The following FAM83B variants were observed in gnomAD, a reference collection of about 807,000 sequenced individuals.
FAM83B encodes the protein scaffolding CK1 anchoring protein B, also known as protein FAM83B.
A neutral mutation model predicts 38.8 loss-of-function variants in FAM83B; 26 were observed. That is an observed-to-expected ratio of 0.67 (90% confidence interval 0.49 to 0.93). The LOEUF (loss-of-function observed/expected upper bound fraction) is 0.93. Ranked by LOEUF, FAM83B falls within the 40% of genes least tolerant of loss-of-function variation. The pLI, the probability that FAM83B is intolerant of heterozygous loss-of-function variation, is 0.00. For missense variants in FAM83B, 1,237 were observed against 1,197.3 expected (o/e 1.03, Z -0.49); for synonymous variants, 419 against 423.1 (o/e 0.99, Z 0.12).
intron 4 of FAM83B, 95 bp downstream of exon 4, chr6:54,927,727 G>GAAA (rs1773331803): frequency 3.0e-5 from 1 of 33,706 alleles, no homozygotes; most frequent in African/African-American, 2.3e-4. Context: ...TTTCTTAAAA[G>GAAA]TAAAAAAAAA....
At chr6:54,933,326 T>C (rs1773462959) in intron 4 of FAM83B, among the ~76,000 whole-genome samples, 1 of 152,130 alleles carries the variant, frequency 6.6e-6, no homozygotes, top group Admixed American at 6.6e-5. Flanking sequence ...TTTGTTGATA[T>C]TCTCATTCCA....
intron 2 of FAM83B, among the ~76,000 whole-genome samples, chr6:54,905,573 C>G (rs1772759420): frequency 6.6e-6 from 1 of 152,120 alleles, no homozygotes; most frequent in South Asian, 2.1e-4. Flanking sequence ...CGTCAACATG[C>G]TGCGCAGTAG....
At chr6:54,939,684 A>G (rs201889250) in intron 4 of FAM83B, 22 bp from the exon 5 acceptor site, 1 of 1,539,230 alleles carries the variant, frequency 6.5e-7, no homozygotes, top group African/African-American at 1.4e-5. Context: ...AATGATTAAA[A>G]TTTTTCCATT....
rs1773749819 is a variant in FAM83B, at chr6:54,943,617, A to G, written c.*1610A>G. The G allele has an allele frequency of 6.6e-6, 1 of 152,200 alleles. No individual in the cohort carries two copies. Among genetic ancestry groups the G allele is most frequent in the Non-Finnish European group, 1.5e-5 (1 of 68,040 alleles). The allele number at this position is 152,200 out of a possible 1,614,324, so 9.4% of individuals were successfully genotyped here. A position where few individuals can be genotyped will look rare whatever the true frequency, so the allele number is the denominator to read the frequency against. On this transcript the variant is annotated 3_prime_UTR_variant, in exon 5 of 5. Transcript: ENST00000306858. The stretch of plus-strand genomic sequence containing the variant: ...AAATAATTTTCCATAGTGTTTAGAA[A>G]CCATGAAAAAGAAAACATAGCAGGA...
intron 4 of FAM83B, among the ~76,000 whole-genome samples, chr6:54,931,200 G>A (rs932050910): frequency 2.6e-5 from 4 of 152,114 alleles, no homozygotes; most frequent in Non-Finnish European, 2.9e-5. Context: ...GTTGAGGTTT[G>A]TTTTGCCTAA....
chr6:54,892,540 G>A (rs894926317), intron 2 of FAM83B, among the ~76,000 whole-genome samples: 3 of 151,502 alleles, frequency 2.0e-5, no homozygotes, highest in Non-Finnish European at 2.9e-5. Context: ...TTCTGTTTCT[G>A]TGTTAGTTTG....
At chr6:54,854,405 G>A (rs1455931837) in intron 1 of FAM83B, among the ~76,000 whole-genome samples, 3 of 152,052 alleles carry the variant, frequency 2.0e-5, no homozygotes, top group Non-Finnish European at 2.9e-5. Flanking sequence ...GGCAAAATTC[G>A]TTATTGTCTT....
chr6:54,897,079 C>T (rs553883914), intron 2 of FAM83B, among the ~76,000 whole-genome samples: 47 of 152,128 alleles, frequency 3.1e-4, no homozygotes, highest in Non-Finnish European at 2.9e-5. Flanking sequence ...TCCTTTTTAT[C>T]ATTACTGTTA....
chr6:54,926,424 C>CCAA lies in FAM83B; in HGVS notation c.498_499insCAA (p.Ile166_Val167insGln). On this transcript the variant is annotated inframe_insertion, in exon 3 of 5. Coordinates refer to ENST00000306858, the MANE Select transcript of FAM83B (RefSeq NM_001010872.3). ...CAGATGTGGACATTTTCAAAGAAAT[C>CCAA]GTTGAGGCATCAACTCGAGGAGTAT... 1 of 1,608,154 alleles carries CCAA rather than the reference C, an allele frequency of 6.2e-7. No homozygotes were observed. Among genetic ancestry groups the CCAA allele is most frequent in the Non-Finnish European group, 8.5e-7 (1 of 1,176,062 alleles).
intron 1 of FAM83B, among the ~76,000 whole-genome samples, chr6:54,859,234 G>A (rs991233623): frequency 1.3e-5 from 2 of 152,024 alleles, no homozygotes; most frequent in Non-Finnish European, 2.9e-5. Context: ...GCTAACTTTT[G>A]TATTTTTAGT....
At chr6:54,856,190 TA>T (rs1293932449) in intron 1 of FAM83B, among the ~76,000 whole-genome samples, 1 of 152,166 alleles carries the variant, frequency 6.6e-6, no homozygotes, top group East Asian at 1.9e-4. Flanking sequence ...AAGCAAGATT[TA>T]CTCATGGACT....
intron 2 of FAM83B, among the ~76,000 whole-genome samples, chr6:54,916,065 C>T (rs1773030903): frequency 6.6e-6 from 1 of 152,100 alleles, no homozygotes; most frequent in African/African-American, 2.4e-5. Context: ...AATTCCATTT[C>T]CCAACAAAAC....
At position 54,940,775 on chromosome 6, in the gene FAM83B, C is replaced by T. The variant is rs1406569086; in HGVS notation, c.1804C>T (p.Leu602Phe). 2 of 1,614,018 alleles carry T rather than the reference C, an allele frequency of 1.2e-6. No homozygotes were observed. The highest frequency in any genetic ancestry group is 1.3e-5 in the African/African-American group (1 of 75,008). ...DKPLPESIPK[L>F]PLQSEAPKMH... The stretch of plus-strand genomic sequence containing the variant: ...ACCCTTGCCAGAATCAATCCCCAAG[C>T]TCCCATTGCAGTCAGAGGCACCAAA... Residue 602 changes from leucine to phenylalanine, a missense_variant, in exon 5 of 5, where the codon CTC (leucine) becomes TTC (phenylalanine). Coordinates refer to ENST00000306858, the MANE Select transcript of FAM83B (RefSeq NM_001010872.3).
At chr6:54,911,226 G>A (rs568158465) in intron 2 of FAM83B, among the ~76,000 whole-genome samples, 1 of 150,214 alleles carries the variant, frequency 6.7e-6, no homozygotes, top group South Asian at 2.1e-4. Flanking sequence ...CTATTTGTTT[G>A]CTTCTTTGTT....
chr6:54,927,382 A>AG (rs1773317494), intron 3 of FAM83B, 126 bp from the exon 4 acceptor site: 1 of 609,068 alleles, frequency 1.6e-6, no homozygotes, highest in African/African-American at 2.0e-5. Context: ...AATATTTGGG[A>AG]GTTTTTTTTT....
In FAM83B at chr6:54,943,992, T is replaced by G. The variant is rs1581939423; in HGVS notation, c.*1985T>G. 1 of 152,314 alleles carries G rather than the reference T, an allele frequency of 6.6e-6. No individual in the cohort carries two copies. Among genetic ancestry groups the G allele is most frequent in the South Asian group, 2.1e-4 (1 of 4,828 alleles). The allele number at this position is 152,314 out of a possible 1,614,324, so 9.4% of individuals were successfully genotyped here. A position where few individuals can be genotyped will look rare whatever the true frequency, so the allele number is the denominator to read the frequency against. ...GTGGAATTGAGGAATACAGAATGCT[T>G]TATTTCATCATCCCCTGACAGGTGA... On this transcript the variant is annotated 3_prime_UTR_variant, in exon 5 of 5. Coordinates refer to ENST00000306858, the MANE Select transcript of FAM83B (RefSeq NM_001010872.3).
intron 2 of FAM83B, among the ~76,000 whole-genome samples, chr6:54,877,933 A>G (rs1291164481): frequency 1.3e-5 from 2 of 151,580 alleles, no homozygotes; most frequent in Non-Finnish European, 2.9e-5. Flanking sequence ...TGATTTCTAA[A>G]TGAGTCAGGT....
At chr6:54,874,750 A>G (rs1379165081) in intron 2 of FAM83B, among the ~76,000 whole-genome samples, 1 of 152,044 alleles carries the variant, frequency 6.6e-6, no homozygotes, top group Non-Finnish European at 1.5e-5. Flanking sequence ...TTTTTGTGAG[A>G]TGTGAATCTT....
At chr6:54,938,268 G>T (rs1010415896) in intron 4 of FAM83B, among the ~76,000 whole-genome samples, 9 of 152,038 alleles carry the variant, frequency 5.9e-5, no homozygotes, top group Middle Eastern at 3.2e-3. Flanking sequence ...CCACTTGTTG[G>T]TTGATGAGCA....
Sources: allele counts gnomAD v4.1 joint callset (sites outside exome capture counted in the v4.1 genomes callset), GRCh38; gene constraint gnomAD v4.1.1; transcripts MANE v1.5; gene names NCBI Gene and HGNC (gene_info 2026-07-23, HGNC 2026-07-21).